The following ACE variants were observed in gnomAD, a reference collection of about 807,000 sequenced individuals.
The protein encoded by ACE is angiotensin I converting enzyme.
ACE carries 122 observed loss-of-function variants against 162.3 expected under a neutral mutation model. The observed-to-expected ratio is 0.75, with a 90% CI of 0.65 to 0.87. The LOEUF (loss-of-function observed/expected upper bound fraction) is 0.87. ACE is among the 40% of genes least tolerant of loss of function. The pLI, the probability that ACE is intolerant of heterozygous loss-of-function variation, is 0.00. For synonymous variants in ACE, 796 were observed against 720.6 expected, an observed-to-expected ratio of 1.10 and a Z score of -1.68; for missense variants, 1,799 against 1,735.1, an observed-to-expected ratio of 1.04 and a Z score of -0.65.
chr17:63,477,457 C>A, intron 1 of ACE, 114 bp downstream of exon 1: 1 of 849,026 alleles, frequency 1.2e-6, no homozygotes, highest in Non-Finnish European at 1.5e-6. Flanking sequence ...CCACCCCGAC[C>A]CCGGACCCTC....
rs12709432 is a variant in ACE at position 63,491,138 on chromosome 17, C to T, written c.2740-71C>T. On this transcript the variant is annotated intron_variant, in intron 18 of 24. Transcript: ENST00000290866. The surrounding 1 kb of genome is among the most constrained non-coding windows in gnomAD (Gnocchi z 4.4). ...AGTTCCCTCCAGTTTAGCCCTCCCC[C>T]GGGATCCCCACGGCAGCACGCAGTC... 7 of 1,610,532 alleles carry T rather than the reference C, an allele frequency of 4.3e-6. No individual in the cohort carries two copies. Among genetic ancestry groups the T allele is most frequent in the East Asian group, 2.2e-5 (1 of 44,836 alleles).
intron 17 of ACE, 32 bp downstream of exon 17, chr17:63,489,164 A>G: frequency 3.1e-6 from 5 of 1,599,384 alleles, no homozygotes; most frequent in Non-Finnish European, 4.2e-6. Context: ...TGAGGAGGGT[A>G]AAGACGGACC....
intron 16 of ACE, 47 bp from the exon 17 acceptor site, chr17:63,488,894 G>A (rs762700919): frequency 6.2e-7 from 1 of 1,613,736 alleles, no homozygotes; most frequent in African/African-American, 1.3e-5. Context: ...CCCTGGAGGA[G>A]GCAGGTAATG....
rs913380732 is a variant in ACE, at chr17:63,497,456, C to T, written c.*90C>T. 4.4e-6 allele frequency: 5 copies of T among 1,144,702 alleles called. No homozygotes were observed. The African/African-American group carries it at 4.6e-5, about 11-fold the overall frequency. The allele number at this position is 1,144,702 out of a possible 1,614,324, so 70.9% of individuals were successfully genotyped here. A position where few individuals can be genotyped will look rare whatever the true frequency, so the allele number is the denominator to read the frequency against. ...TGGGCAGCTGAGGACACACCCCACA[C>T]CCCAGCCCACCCTGCTCCTCCTGCC... On this transcript the variant is annotated 3_prime_UTR_variant, in exon 25 of 25. Coordinates refer to ENST00000290866, the MANE Select transcript of ACE (RefSeq NM_000789.4).
In ACE at chr17:63,481,076, T is replaced by C; in HGVS notation, c.848-15T>C. 6.2e-7 allele frequency: 1 copy of C among 1,612,000 alleles called. No individual in the cohort carries two copies. Among genetic ancestry groups the C allele is most frequent in the Non-Finnish European group, 8.5e-7 (1 of 1,178,256 alleles). On this transcript the variant is annotated splice_polypyrimidine_tract_variant and intron_variant, in intron 5 of 24. Transcript: ENST00000290866. ...CAGGCAGGGAGCCAAGCTGTCCCCT[T>C]CCTTCCTTATCTAGGAGACATGTGG...
intron 24 of ACE, 42 bp from the exon 25 acceptor site, chr17:63,497,085 TTGCCCTGCCC>T (rs200695691): frequency 2.9e-5 from 45 of 1,562,406 alleles, no homozygotes; most frequent in Admixed American, 1.3e-4. Context: ...CCCCGCACCC[TTGCCCTGCCC>T]TGCCCTGCCC....
intron 14 of ACE, 73 bp from the exon 15 acceptor site, chr17:63,486,913 C>G: frequency 6.6e-7 from 1 of 1,513,236 alleles, no homozygotes; most frequent in Non-Finnish European, 9.2e-7. Flanking sequence ...CCCATGGGGC[C>G]TGGGGGTAGT....
chr17:63,483,988 C>A lies in ACE; in HGVS notation c.1709+17C>A. ...CAAGCTCCGGTGTGTGGTGGGAAGC[C>A]GGGGGAAGTGGGAGGCAGAGAGGAG... On this transcript the variant is annotated intron_variant, in intron 11 of 24. Transcript: ENST00000290866. The A allele has an allele frequency of 6.2e-7, 1 of 1,608,516 alleles. No homozygotes were observed. Among genetic ancestry groups the A allele is most frequent in the East Asian group, 2.2e-5 (1 of 44,568 alleles).
rs990945782 is a variant in ACE, at chr17:63,497,988, C to T, written c.*622C>T. The stretch of plus-strand genomic sequence containing the variant: ...AAGGCTTCCGGCTGTTATCGGCTGC[C>T]TCAGGGGGCGAGTACCTTGGAGGGC... On this transcript the variant is annotated 3_prime_UTR_variant, in exon 25 of 25. Coordinates refer to ENST00000290866, the MANE Select transcript of ACE (RefSeq NM_000789.4). The T allele has an allele frequency of 1.1e-4, 22 of 196,060 alleles. No homozygotes were observed. The South Asian group carries it at 1.6e-3, about 14-fold the overall frequency. 12.1% of individuals were successfully genotyped at this position (196,060 alleles called of 1,614,324 possible).
rs2030518300 is a variant in ACE, at chr17:63,493,476, G to T, written c.2953G>T (p.Val985Leu). 6.2e-7 allele frequency: 1 copy of T among 1,614,064 alleles called. No homozygotes were observed. The highest frequency in any genetic ancestry group is 8.5e-7 in the Non-Finnish European group (1 of 1,180,046). The change falls in exon 20 of 25, where the codon GTG (valine) becomes TTG (leucine). Residue 985 changes from valine to leucine, a missense_variant. Val to Leu is a conservative substitution (Grantham distance 32). Coordinates refer to ENST00000290866, the MANE Select transcript of ACE (RefSeq NM_000789.4). Reference protein sequence around the residue: ...CTTVNLEDLVVAHHEMGHIQY... With the variant: ...CTTVNLEDLVLAHHEMGHIQY... ...CACCGTGAACTTGGAGGACCTGGTG[G>T]TGGCCCACCACGAAATGGGCCACAT...
intron 15 of ACE, 76 bp from the exon 16 acceptor site, chr17:63,488,572 C>T (rs757669446): frequency 1.3e-6 from 2 of 1,498,142 alleles, no homozygotes; most frequent in East Asian, 2.4e-5. Flanking sequence ...TATTCCAGCT[C>T]TGAAATTCTC....
chr17:63,493,386 C>A (rs372330766), intron 19 of ACE, 50 bp from the exon 20 acceptor site: 1 of 1,566,650 alleles, frequency 6.4e-7, no homozygotes, highest in Non-Finnish European at 8.8e-7. Context: ...ATGCCCAGGG[C>A]TTCTCACTGT....
intron 10 of ACE, 145 bp downstream of exon 10, chr17:63,483,703 T>G (rs2029861241): frequency 1.3e-5 from 19 of 1,482,312 alleles, no homozygotes; most frequent in Non-Finnish European, 1.8e-5. Flanking sequence ...TGGCCCACTC[T>G]CCTGAGCCTG....
In ACE at chr17:63,496,452, G is replaced by A. The variant is rs2147576939; in HGVS notation, c.3439G>A (p.Gly1147Ser). 1.9e-6 allele frequency: 3 copies of A among 1,614,210 alleles called. No homozygotes were observed. ...QFHEALCQAA[G>S]HTGPLHKCDI... The stretch of plus-strand genomic sequence containing the variant: ...CCACGAGGCACTGTGCCAGGCAGCT[G>A]GCCACACGGGCCCCCTGCACAAGTG... The change falls in exon 23 of 25, where the codon GGC (glycine) becomes AGC (serine). Residue 1147 changes from glycine to serine, a missense_variant. Transcript: ENST00000290866.
In ACE at chr17:63,480,406, A is replaced by ACCTCTACCAACAGCTAGAGCC; in HGVS notation, c.734_754dup (p.Gln245_Tyr251dup). Reference sequence around the variant, plus strand: ...CCCACCTTCGAGGACGATCTGGAACACCTCTACCAACAGCTAGAGCCCCTC... The same window carrying ACCTCTACCAACAGCTAGAGCC: ...CCCACCTTCGAGGACGATCTGGAACACCTCTACCAACAGCTAGAGCCCCTCTACCAACAGCTAGAGCCCCTC... On this transcript the variant is annotated inframe_insertion, in exon 5 of 25. Transcript: ENST00000290866. 6.2e-7 allele frequency: 1 copy of ACCTCTACCAACAGCTAGAGCC among 1,613,952 alleles called. No homozygotes were observed. The highest frequency in any genetic ancestry group is 1.3e-5 in the African/African-American group (1 of 74,956).
At chr17:63,482,991 T>C (rs1228437296) in intron 8 of ACE, 38 bp from the exon 9 acceptor site, 6 of 1,606,840 alleles carry the variant, frequency 3.7e-6, no homozygotes, top group Non-Finnish European at 5.1e-6. Flanking sequence ...CTTCTCCCTC[T>C]GACCTCTTCC....
Position 63,483,035 on chromosome 17 carries a change from A to T in ACE, c.1349A>T (p.Asp450Val). Residue 450 changes from aspartate to valine, a missense_variant, in exon 9 of 25, where the codon GAC becomes GTC. Transcript: ENST00000290866. Reference protein sequence around the residue: ...LDRVTNDTESDINYLLKMALE... With the variant: ...LDRVTNDTESVINYLLKMALE... ...TCATCTCATCTCCCAACAGAAAGTG[A>T]CATCAATTACTTGCTAAAAATGGCA... 6.2e-7 allele frequency: 1 copy of T among 1,614,106 alleles called. No homozygotes were observed. The highest frequency in any genetic ancestry group is 8.5e-7 in the Non-Finnish European group (1 of 1,179,998).
rs4330 is a variant in ACE, at chr17:63,486,300, C to T, written c.2059-257C>T. On this transcript the variant is annotated intron_variant, in intron 13 of 24. Coordinates refer to ENST00000290866, the MANE Select transcript of ACE (RefSeq NM_000789.4). ...GCTGGCTCCTTCCTAAGGGCCTTTA[C>T]GACACTTGGGGGTCTTCTCTTCTCT... 3.2e-5 allele frequency: 18 copies of T among 553,982 alleles called. 1 individual carries two copies. The highest frequency in any genetic ancestry group is 5.5e-5 in the Non-Finnish European group (17 of 307,836). The allele number at this position is 553,982 out of a possible 1,614,324, so 34.3% of individuals were successfully genotyped here. A position where few individuals can be genotyped will look rare whatever the true frequency, so the allele number is the denominator to read the frequency against.
intron 4 of ACE, 151 bp downstream of exon 4, chr17:63,480,063 C>A: frequency 7.7e-7 from 1 of 1,298,522 alleles, no homozygotes; most frequent in Non-Finnish European, 1.1e-6. Context: ...GACCGGCCTG[C>A]ACCCAGTGTG....
Sources: allele counts gnomAD v4.1 joint callset, GRCh38; gene constraint gnomAD v4.1.1; non-coding constraint Gnocchi (gnomAD v3.1); transcripts MANE v1.5; gene names NCBI Gene and HGNC (gene_info 2026-07-23, HGNC 2026-07-21).